PTPRA: variants seen among roughly 807,000 people sequenced by gnomAD.
The protein encoded by PTPRA is receptor-type tyrosine-protein phosphatase alpha.
PTPRA carries 25 observed loss-of-function variants against 104.8 expected under a neutral mutation model. The ratio of observed to expected loss-of-function variants is 0.24; its 90% CI spans 0.17 to 0.33. The LOEUF is 0.33. Ranked by LOEUF, PTPRA falls within the 10% of genes least tolerant of loss-of-function variation. PTPRA has a pLI of 1.00. For missense variants in PTPRA, 765 were observed against 1,015.3 expected (o/e 0.75, Z 3.35); for synonymous variants, 323 against 368.9 (o/e 0.88, Z 1.43).
At chr20:2,998,906 TAATA>T (rs900770267) in intron 9 of PTPRA, among the ~76,000 whole-genome samples, 1 of 143,884 alleles carries the variant, frequency 7.0e-6, no homozygotes, top group Non-Finnish European at 1.5e-5. Flanking sequence ...ATTATAGAAT[TAATA>T]AATATGACAT....
At chr20:3,020,968 C>A (rs2064839143) in intron 13 of PTPRA, among the ~76,000 whole-genome samples, 2 of 152,210 alleles carry the variant, frequency 1.3e-5, no homozygotes, top group African/African-American at 4.8e-5. Context: ...CAGGCTTTCT[C>A]CTAGAGCATG....
intron 3 of PTPRA, among the ~76,000 whole-genome samples, chr20:2,948,521 C>T (rs2061224394): frequency 6.6e-6 from 1 of 152,120 alleles, no homozygotes; most frequent in East Asian, 1.9e-4. Context: ...GTTTGCCATA[C>T]CATTAGTGCT....
At chr20:2,926,438 CTT>C (rs753766193) in intron 2 of PTPRA, among the ~76,000 whole-genome samples, 17 of 152,162 alleles carry the variant, frequency 1.1e-4, no homozygotes, top group Non-Finnish European at 2.4e-4. Context: ...ATATCTGTCT[CTT>C]GTGTCCAAAT....
upstream of PTPRA, among the ~76,000 whole-genome samples, chr20:2,869,941 C>T (rs1258582361): frequency 2.6e-5 from 4 of 151,714 alleles, no homozygotes; most frequent in Non-Finnish European, 4.4e-5. Context: ...CGCCATTGCA[C>T]TCCAGCCTGG....
At chr20:2,977,322 A>G (rs1353504183) in intron 6 of PTPRA, among the ~76,000 whole-genome samples, 1 of 149,444 alleles carries the variant, frequency 6.7e-6, no homozygotes, top group East Asian at 2.0e-4. Flanking sequence ...GACTCTTAAT[A>G]TTTGTAAAGA....
the PTPRA span, chr20:2,866,595 C>T: frequency 6.2e-7 from 1 of 1,612,880 alleles, no homozygotes; most frequent in Non-Finnish European, 8.5e-7. Context: ...CTGTACATCT[C>T]AAGCAAGGGG....
chr20:3,025,387 AG>A (rs1392761510), intron 17 of PTPRA, among the ~76,000 whole-genome samples: 1 of 148,640 alleles, frequency 6.7e-6, no homozygotes, highest in Non-Finnish European at 1.5e-5. Context: ...CGGAAGGCAG[AG>A]GTTGCAGTGA....
At chr20:2,960,784 G>T in intron 3 of PTPRA, among the ~76,000 whole-genome samples, 1 of 151,418 alleles carries the variant, frequency 6.6e-6, no homozygotes, top group East Asian at 1.9e-4. Context: ...CAATTTGCCT[G>T]CCTTGGCCTC....
intron 1 of PTPRA, among the ~76,000 whole-genome samples, chr20:2,908,375 C>T (rs2147177551): frequency 6.6e-6 from 1 of 152,094 alleles, no homozygotes; most frequent in African/African-American, 2.4e-5. Context: ...CATATACAAC[C>T]AAACGTGGAT....
Position 3,015,872 on chromosome 20 carries a change from C to T in PTPRA, c.930C>T (p.Phe310=). The part of the protein sequence containing the change: ...FINGYQEKNK[F]IAAQGPKEET... ...AGGGCTACCAAGAAAAGAACAAATT[C>T]ATTGCTGCACAAGGTAAAGTAATGA... The change falls in exon 12 of 24, where the codon TTC becomes TTT. Residue 310 remains phenylalanine (F), a synonymous_variant. Coordinates refer to ENST00000399903, the MANE Select transcript of PTPRA (RefSeq NM_001385305.1). 1 of 1,565,646 alleles carries T rather than the reference C, an allele frequency of 6.4e-7. No individual in the cohort carries two copies. The highest frequency in any genetic ancestry group is 8.8e-7 in the Non-Finnish European group (1 of 1,136,406).
intron 5 of PTPRA, among the ~76,000 whole-genome samples, chr20:2,973,844 GAGAA>G (rs2062300558): frequency 6.6e-6 from 1 of 152,058 alleles, no homozygotes; most frequent in Non-Finnish European, 1.5e-5. Context: ...AAGGCAAGAA[GAGAA>G]AGAGACTGAT....
chr20:2,870,092 G>C (rs1332945944), upstream of PTPRA, among the ~76,000 whole-genome samples: 3 of 151,984 alleles, frequency 2.0e-5, no homozygotes, highest in African/African-American at 7.3e-5. Flanking sequence ...GGGTTGGCCA[G>C]GCGCAGTGGT....
the PTPRA span, chr20:2,866,226 C>T: frequency 6.2e-7 from 1 of 1,614,168 alleles, no homozygotes; most frequent in Non-Finnish European, 8.5e-7. Context: ...TTGTGGAGAT[C>T]TGCATGAAAC....
intron 6 of PTPRA, among the ~76,000 whole-genome samples, chr20:2,977,447 AC>A (rs1327336989): frequency 6.6e-6 from 1 of 152,034 alleles, no homozygotes; most frequent in African/African-American, 2.4e-5. Flanking sequence ...GGAGTTCCAG[AC>A]CAGCCTGAGC....
chr20:3,027,924 G>GA, intron 20 of PTPRA, 83 bp downstream of exon 20: 1 of 1,570,258 alleles, frequency 6.4e-7, no homozygotes, highest in Middle Eastern at 1.7e-4. Context: ...GGGAAGGCAA[G>GA]AAGGTGTTTG....
intron 2 of PTPRA, among the ~76,000 whole-genome samples, chr20:2,942,443 T>C (rs545091300): frequency 2.0e-5 from 3 of 152,242 alleles, no homozygotes; most frequent in African/African-American, 7.2e-5. Flanking sequence ...ATCCTTAAGC[T>C]TAAAAATGTC....
Position 2,873,973 on chromosome 20 carries a change from A to G in PTPRA, c.-129+213A>G, listed in dbSNP as rs1296632181. Among the ~76,000 whole-genome samples, 1 of 152,126 alleles carries G rather than the reference A, an allele frequency of 6.6e-6. No homozygotes were observed. Among genetic ancestry groups the G allele is most frequent in the African/African-American group, 2.4e-5 (1 of 41,428 alleles). On this transcript the variant is annotated intron_variant, in intron 1 of 23. Transcript: ENST00000399903. This position sits in a 1 kb window ranked among gnomAD's most constrained non-coding sequence, Gnocchi z 4.4. ...GGGTCCCCGGAAACGTGCCGGCCCGAGTGCCGACCCCTCGCGACTGCCCAG... is the reference window on the plus strand; with the variant it reads ...GGGTCCCCGGAAACGTGCCGGCCCGGGTGCCGACCCCTCGCGACTGCCCAG...
rs1001855088 is a variant in PTPRA, at chr20:3,035,921, C to G, written c.2178C>G (p.His726Gln). ...AGCAGCAGCAGCAGTCAGGGAACCA[C>G]CCCATCACCGTGCACTGCAGGTATG... Reference protein sequence around the residue: ...VQKQQQQSGNHPITVHCSAGA... With the variant: ...VQKQQQQSGNQPITVHCSAGA... Residue 726 changes from histidine to glutamine, a missense_variant, in exon 22 of 24, where the codon CAC (histidine) becomes CAG (glutamine). By Grantham distance (24) the His-to-Gln change is conservative. Transcript: ENST00000399903. The surrounding 1 kb of genome is among the most constrained non-coding windows in gnomAD (Gnocchi z 5.8). The G allele has an allele frequency of 1.2e-6, 2 of 1,613,592 alleles. No homozygotes were observed. The highest frequency in any genetic ancestry group is 1.7e-5 in the Admixed American group (1 of 60,016).
intron 1 of PTPRA, among the ~76,000 whole-genome samples, chr20:2,903,376 T>C (rs963312210): frequency 1.3e-5 from 2 of 152,192 alleles, no homozygotes; most frequent in Admixed American, 1.3e-4. Flanking sequence ...TGTTGGCTAT[T>C]CCATTTATAT....
Sources: gnomAD v4.1 joint callset for allele counts (sites outside exome capture counted in the v4.1 genomes callset) on GRCh38, gnomAD v4.1.1 for gene constraint, Gnocchi (gnomAD v3.1) non-coding constraint, MANE v1.5 for transcripts, NCBI Gene and HGNC (gene_info 2026-07-23, HGNC 2026-07-21) for gene names.